The following AS3MT variants were observed in gnomAD, a reference collection of about 807,000 sequenced individuals.
AS3MT encodes arsenite methyltransferase, also known as S-adenosyl-L-methionine:arsenic(III) methyltransferase.
In AS3MT, 47 loss-of-function variants were observed where a neutral mutation model predicts 45.3. That is an observed-to-expected ratio of 1.04 (90% CI 0.82 to 1.32). AS3MT has a LOEUF of 1.32. Ranked by LOEUF, AS3MT falls within the 40% of genes most tolerant of loss-of-function variation. The pLI, the probability that AS3MT is intolerant of heterozygous loss-of-function variation, is 0.00. For missense variants in AS3MT, 396 were observed against 451.1 expected (o/e 0.88, Z 1.11); for synonymous variants, 141 against 152.8 (o/e 0.92, Z 0.57).
rs767715476 is a variant in AS3MT at position 102,872,599 on chromosome 10, G to A, written c.321+1G>A. The A allele has an allele frequency of 6.3e-6, 10 of 1,591,516 alleles. No homozygotes were observed. Among genetic ancestry groups the A allele is most frequent in the South Asian group, 4.6e-5 (4 of 87,488 alleles). On this transcript the variant is annotated splice_donor_variant, in intron 4 of 10. Coordinates refer to ENST00000369880, the MANE Select transcript of AS3MT (RefSeq NM_020682.4). LOFTEE classifies it high-confidence loss of function. Reference sequence around the variant, plus strand: ...TGGAATAGACATGACCAAAGGCCAGGTGAGGCATGATTTGGAAGACAAGGA... The same window carrying A: ...TGGAATAGACATGACCAAAGGCCAGATGAGGCATGATTTGGAAGACAAGGA...
In AS3MT at chr10:102,872,580, A is replaced by C. The variant is rs528090351; in HGVS notation, c.303A>C (p.Ile101=). The change falls in exon 4 of 11, where the codon ATA becomes ATC. Residue 101 remains isoleucine, a synonymous_variant. Coordinates refer to ENST00000369880, the MANE Select transcript of AS3MT (RefSeq NM_020682.4). ...GTGAAAAAGGACACGTGACTGGAAT[A>C]GACATGACCAAAGGCCAGGTGAGGC... ...LVGEKGHVTG[I]DMTKGQVEVA... 6.2e-7 allele frequency: 1 copy of C among 1,611,056 alleles called. No homozygotes were observed. Among genetic ancestry groups the C allele is most frequent in the South Asian group, 1.1e-5 (1 of 90,578 alleles).
At chr10:102,892,381 T>C (rs961739315) in intron 10 of AS3MT, among the ~76,000 whole-genome samples, 1 of 152,136 alleles carries the variant, frequency 6.6e-6, no homozygotes, top group African/African-American at 2.4e-5. Flanking sequence ...CAGGGACCTA[T>C]CACACAAAAG....
chr10:102,893,992 G>A (rs1307039641), intron 10 of AS3MT, among the ~76,000 whole-genome samples: 3 of 152,068 alleles, frequency 2.0e-5, no homozygotes, highest in Non-Finnish European at 4.4e-5. Context: ...TTGACCATAG[G>A]GGTCCCACCA....
At chr10:102,890,737 GTC>G in intron 10 of AS3MT, 59 bp downstream of exon 10, 1 of 1,513,276 alleles carries the variant, frequency 6.6e-7, no homozygotes, top group South Asian at 1.2e-5. Flanking sequence ...TTGAGATGGA[GTC>G]TCTCTCTGTC....
intron 9 of AS3MT, among the ~76,000 whole-genome samples, chr10:102,885,886 C>T (rs1302403842): frequency 2.0e-5 from 3 of 150,478 alleles, no homozygotes; most frequent in African/African-American, 4.9e-5. Context: ...AGGCTGGTCT[C>T]GAACTCCTGA....
At chr10:102,878,567 T>C (rs1844823890) in intron 8 of AS3MT, 57 bp downstream of exon 8, 1 of 1,586,962 alleles carries the variant, frequency 6.3e-7, no homozygotes, top group East Asian at 2.2e-5. Flanking sequence ...GATTGAAATG[T>C]GGTGATTAGT....
intron 10 of AS3MT, among the ~76,000 whole-genome samples, chr10:102,892,167 C>T (rs1376539925): frequency 2.0e-5 from 3 of 151,952 alleles, no homozygotes; most frequent in South Asian, 2.1e-4. Context: ...GGAATAGGTT[C>T]CTTATTCTGT....
intron 7 of AS3MT, among the ~76,000 whole-genome samples, chr10:102,877,880 G>A (rs1844812092): frequency 6.7e-6 from 1 of 150,076 alleles, no homozygotes; most frequent in Non-Finnish European, 1.5e-5. Context: ...AGCCTCCCAA[G>A]TAGCTGGGAT....
chr10:102,881,706 C>A lies in AS3MT; in HGVS notation c.885+2715C>A, dbSNP rs1050758654. 2.0e-5 allele frequency among the ~76,000 whole-genome samples: 3 copies of A among 152,026 alleles called. No individual in the cohort carries two copies. Among genetic ancestry groups the A allele is most frequent in the African/African-American group, 7.2e-5 (3 of 41,424 alleles). ...ATTATTTGTTCCAAAAGTGGAAGAA[C>A]TTACTATTAATATTTCATTTTTCTG... On this transcript the variant is annotated intron_variant, in intron 9 of 10. Transcript: ENST00000369880. The surrounding 1 kb of genome is among the most constrained non-coding windows in gnomAD (Gnocchi z 4.2).
intron 10 of AS3MT, among the ~76,000 whole-genome samples, chr10:102,891,948 CAAAAAAAAA>C (rs57594880): frequency 3.5e-5 from 2 of 57,844 alleles, no homozygotes; most frequent in African/African-American, 6.9e-5. Flanking sequence ...GACTCTGTCT[CAAAAAAAAA>C]AAAAAAAAAA....
chr10:102,869,530 GCGCC>G lies in AS3MT; in HGVS notation c.-61_-58del. 7 of 1,311,840 alleles carry G rather than the reference GCGCC, an allele frequency of 5.3e-6. No homozygotes were observed. In the South Asian group the frequency reaches 7.2e-5, roughly 13 times the overall value. The allele number at this position is 1,311,840 out of a possible 1,614,324, so 81.3% of individuals were successfully genotyped here. On this transcript the variant is annotated 5_prime_UTR_variant, in exon 1 of 11. Transcript: ENST00000369880. ...CGCAGGCCGAGGAGACAGTGAGTGC[GCGCC>G]CTGAGTCGCAGGCCGAGGAGACAGT...
chr10:102,898,128 T>C (rs1265921597), intron 10 of AS3MT, among the ~76,000 whole-genome samples: 1 of 152,016 alleles, frequency 6.6e-6, no homozygotes, highest in Non-Finnish European at 1.5e-5. Flanking sequence ...TTTTTTTTTT[T>C]CTTAACGGAA....
intron 10 of AS3MT, among the ~76,000 whole-genome samples, chr10:102,898,160 A>C (rs1000168209): frequency 1.3e-5 from 2 of 151,794 alleles, no homozygotes; most frequent in Non-Finnish European, 2.9e-5. Flanking sequence ...TAAACGCTGG[A>C]GTACAGACAG....
Position 102,900,576 on chromosome 10 carries a change from G to T in AS3MT, c.1021-17G>T. ...CACCTTTAACTTGTCCTTTCATTTTGGTTTGCCTTTTGACAGGATATAATC... is the reference window on the plus strand; with the variant it reads ...CACCTTTAACTTGTCCTTTCATTTTTGTTTGCCTTTTGACAGGATATAATC... On this transcript the variant is annotated splice_polypyrimidine_tract_variant and intron_variant, in intron 10 of 10. Coordinates refer to ENST00000369880, the MANE Select transcript of AS3MT (RefSeq NM_020682.4). 6.3e-7 allele frequency: 1 copy of T among 1,576,034 alleles called. No individual in the cohort carries two copies. The highest frequency in any genetic ancestry group is 1.7e-4 in the Middle Eastern group (1 of 5,990).
In AS3MT at chr10:102,869,485, G is replaced by T. The variant is rs541953314; in HGVS notation, c.-108G>T. 645 of 1,532,314 alleles carry T rather than the reference G, an allele frequency of 4.2e-4. 8 individuals carry two copies. In the East Asian group the frequency reaches 0.016, roughly 37 times the overall value. 94.9% of individuals were successfully genotyped at this position (1,532,314 alleles called of 1,614,324 possible). A position where few individuals can be genotyped will look rare whatever the true frequency, so the allele number is the denominator to read the frequency against. On this transcript the variant is annotated 5_prime_UTR_variant, in exon 1 of 11. Coordinates refer to ENST00000369880, the MANE Select transcript of AS3MT (RefSeq NM_020682.4). ...GGGCCTCGGCACAGGAGCTGGCTGC[G>T]GGAGCCCGCCGTCCTGAGTCGCAGG...
At chr10:102,872,891 A>G (rs1304045729) in intron 4 of AS3MT, among the ~76,000 whole-genome samples, 4 of 152,068 alleles carry the variant, frequency 2.6e-5, no homozygotes, top group Non-Finnish European at 4.4e-5. Flanking sequence ...TTTGTTATTG[A>G]ATGAGGAGTT....
At chr10:102,886,382 T>C (rs1249786178) in intron 9 of AS3MT, among the ~76,000 whole-genome samples, 6 of 148,614 alleles carry the variant, frequency 4.0e-5, no homozygotes, top group Non-Finnish European at 8.9e-5. Context: ...TGGAGTGCAG[T>C]GGCGCGATCT....
chr10:102,871,987 A>G (rs1159883715), intron 3 of AS3MT, among the ~76,000 whole-genome samples: 2 of 151,816 alleles, frequency 1.3e-5, no homozygotes, highest in African/African-American at 4.8e-5. Context: ...GGTTCAAGCC[A>G]TTCTCCTGCC....
chr10:102,891,298 C>T (rs11191445), intron 10 of AS3MT, among the ~76,000 whole-genome samples: 15,901 of 152,282 alleles, frequency 0.1, 859 homozygotes, highest in Middle Eastern at 0.18. Flanking sequence ...CTGGTGGAGT[C>T]GGCGCGGGGA....
Sources: allele counts gnomAD v4.1 joint callset (sites outside exome capture counted in the v4.1 genomes callset), GRCh38; gene constraint gnomAD v4.1.1; non-coding constraint Gnocchi (gnomAD v3.1); transcripts MANE v1.5; gene names NCBI Gene and HGNC (gene_info 2026-07-23, HGNC 2026-07-21).